SOX5: variants seen among roughly 807,000 people sequenced by gnomAD.
SOX5 encodes the protein SRY-box transcription factor 5, also known as transcription factor SOX-5.
A neutral mutation model predicts 92.0 loss-of-function variants in SOX5; 9 were observed. The ratio of observed to expected loss-of-function variants is 0.10; its 90% confidence interval spans 0.06 to 0.17. The LOEUF (loss-of-function observed/expected upper bound fraction) is 0.17, where lower values mean the gene tolerates loss of function less well. SOX5 is among the 10% of genes least tolerant of loss of function. SOX5 has a pLI of 1.00. For missense variants in SOX5, 642 were observed against 944.5 expected (o/e 0.68, Z 4.20); for synonymous variants, 344 against 336.3 (o/e 1.02, Z -0.25).
intron 1 of SOX5, among the ~76,000 whole-genome samples, chr12:24,424,816 G>GGT (rs1555286339): frequency 5.3e-5 from 8 of 150,182 alleles, no homozygotes; most frequent in Admixed American, 5.3e-4. Context: ...TTTGGGGGGG[G>GGT]GGGATGGCTG....
At chr12:23,839,749 A>G (rs1350800676) in intron 3 of SOX5, among the ~76,000 whole-genome samples, 1 of 152,002 alleles carries the variant, frequency 6.6e-6, no homozygotes, top group Non-Finnish European at 1.5e-5. Context: ...ATGCAGAAAA[A>G]TATTTGACAA....
intron 3 of SOX5, among the ~76,000 whole-genome samples, chr12:24,237,015 C>A (rs971197507): frequency 6.6e-6 from 1 of 152,092 alleles, no homozygotes; most frequent in Non-Finnish European, 1.5e-5. Flanking sequence ...GTCTTTTGAT[C>A]TTTAAAGGTG....
chr12:24,123,651 A>G (rs1948832818), intron 4 of SOX5, among the ~76,000 whole-genome samples: 1 of 152,262 alleles, frequency 6.6e-6, no homozygotes, highest in African/African-American at 2.4e-5. Context: ...AATATAAATT[A>G]CAATAAGATA....
At chr12:23,909,938 C>CT (rs993641249) in intron 1 of SOX5, among the ~76,000 whole-genome samples, 47 of 150,912 alleles carry the variant, frequency 3.1e-4, no homozygotes, top group African/African-American at 5.6e-4. Context: ...CTTCCATCCT[C>CT]TTTTTTTTTG....
At chr12:24,505,745 T>C (rs776779040) in intron 1 of SOX5, among the ~76,000 whole-genome samples, 21 of 152,240 alleles carry the variant, frequency 1.4e-4, no homozygotes, top group Non-Finnish European at 2.8e-4. Flanking sequence ...TCAATTTGTA[T>C]GTAAATCACT....
intron 5 of SOX5, among the ~76,000 whole-genome samples, chr12:23,739,668 G>A (rs1029380543): frequency 1.3e-5 from 2 of 151,880 alleles, no homozygotes; most frequent in African/African-American, 4.8e-5. Flanking sequence ...CTGCTTTCTT[G>A]TAATATTACC....
intron 4 of SOX5, among the ~76,000 whole-genome samples, chr12:24,066,361 C>T (rs1430551461): frequency 6.6e-6 from 1 of 151,980 alleles, no homozygotes; most frequent in African/African-American, 2.4e-5. Flanking sequence ...AATCAATCAA[C>T]CATGAAAATG....
chr12:23,668,251 A>G (rs2084168228), intron 6 of SOX5, among the ~76,000 whole-genome samples: 1 of 152,218 alleles, frequency 6.6e-6, no homozygotes, highest in Non-Finnish European at 1.5e-5. Flanking sequence ...AACACACACA[A>G]AACAAAGTTA....
At position 24,131,443 on chromosome 12, in the gene SOX5, C is replaced by A. The variant is rs567410985; in HGVS notation, c.-2+81900G>T. ...ATTTTTCAAAACCCAGAATATAGTA[C>A]GGCATCTATCACATAAATAAAGGCC... On this transcript the variant is annotated intron_variant, in intron 4 of 4. Transcript: ENST00000446891. Among the ~76,000 whole-genome samples, 5 of 152,232 alleles carry A rather than the reference C, an allele frequency of 3.3e-5. No homozygotes were observed. In the East Asian group the frequency reaches 9.6e-4, roughly 29 times the overall value.
intron 4 of SOX5, among the ~76,000 whole-genome samples, chr12:23,970,841 A>ATATATATATATATATAATTTTTAAT: frequency 9.1e-5 from 2 of 21,878 alleles, no homozygotes; most frequent in East Asian, 1.7e-3. Flanking sequence ...TATATATATA[A>ATATATATATATATATAATTTTTAAT]TTTTTTTTTT....
At chr12:24,193,280 G>A (rs1465461897) in intron 4 of SOX5, among the ~76,000 whole-genome samples, 1 of 152,214 alleles carries the variant, frequency 6.6e-6, no homozygotes, top group Non-Finnish European at 1.5e-5. Context: ...TTGCTAGAAA[G>A]GTTCTGAGGA....
intron 1 of SOX5, among the ~76,000 whole-genome samples, chr12:24,399,191 A>G (rs1389348688): frequency 6.6e-6 from 1 of 151,382 alleles, no homozygotes; most frequent in East Asian, 1.9e-4. Context: ...TTACAAAAAA[A>G]AAACCAAACA....
At chr12:23,869,260 G>GC (rs1004916677) in intron 2 of SOX5, among the ~76,000 whole-genome samples, 26 of 152,024 alleles carry the variant, frequency 1.7e-4, no homozygotes, top group African/African-American at 6.0e-4. Context: ...CACATACCCA[G>GC]AAGTTCCCTG....
chr12:23,941,404 A>G (rs1358815717), intron 1 of SOX5, among the ~76,000 whole-genome samples: 1 of 151,594 alleles, frequency 6.6e-6, no homozygotes, highest in Admixed American at 6.6e-5. Context: ...TTAGATCCAT[A>G]TTATTTTTCA....
chr12:24,222,756 CCAAG>C (rs1960794428), intron 3 of SOX5, among the ~76,000 whole-genome samples: 1 of 152,056 alleles, frequency 6.6e-6, no homozygotes, highest in Admixed American at 6.6e-5. Context: ...ATTAGCTCTT[CCAAG>C]CAATTAGATT....
chr12:23,744,801 C>T (rs996130877), intron 4 of SOX5, among the ~76,000 whole-genome samples: 6 of 152,018 alleles, frequency 3.9e-5, no homozygotes, highest in African/African-American at 1.4e-4. Context: ...AACAAAGTAC[C>T]ACAGACTGGG....
chr12:24,182,756 C>G (rs937053340), intron 4 of SOX5, among the ~76,000 whole-genome samples: 1 of 152,190 alleles, frequency 6.6e-6, no homozygotes, highest in African/African-American at 2.4e-5. Flanking sequence ...CTCTGTCACC[C>G]AAGCTGGAGT....
chr12:23,977,618 G>A (rs1392490330), intron 4 of SOX5, among the ~76,000 whole-genome samples: 3 of 56,188 alleles, frequency 5.3e-5, no homozygotes, highest in South Asian at 6.7e-4. Flanking sequence ...AGCCAAGATC[G>A]CACCACTGCA....
intron 1 of SOX5, among the ~76,000 whole-genome samples, chr12:23,908,688 T>C (rs1263800482): frequency 1.3e-5 from 2 of 151,922 alleles, no homozygotes; most frequent in African/African-American, 4.8e-5. Flanking sequence ...TATGCCATCC[T>C]AATTAGGAAA....
Sources: allele counts gnomAD v4.1 joint callset (sites outside exome capture counted in the v4.1 genomes callset), GRCh38; gene constraint gnomAD v4.1.1; transcripts MANE v1.5; gene names NCBI Gene and HGNC (gene_info 2026-07-23, HGNC 2026-07-21).